Variants in HIVEP3 observed in about 807,000 individuals in gnomAD.
HIVEP3 encodes the protein HIVEP zinc finger 3, also known as transcription factor HIVEP3.
HIVEP3 carries 49 observed loss-of-function variants against 152.8 expected under a neutral mutation model. The observed-to-expected ratio is 0.32, with a 90% CI of 0.26 to 0.41. HIVEP3 has a LOEUF of 0.41. Among genes scored for constraint, HIVEP3 ranks in the 10% least tolerant of loss-of-function variants. HIVEP3 has a pLI of 1.00. For missense variants in HIVEP3, 2,790 were observed against 3,103.3 expected, an observed-to-expected ratio of 0.90 and a Z score of 2.40; for synonymous variants, 1,269 against 1,289.0, an observed-to-expected ratio of 0.98 and a Z score of 0.33.
chr1:41,519,838 A>G (rs1449393406), intron 6 of HIVEP3, among the ~76,000 whole-genome samples: 1 of 152,212 alleles, frequency 6.6e-6, no homozygotes, highest in Non-Finnish European at 1.5e-5. Flanking sequence ...TGAGTAGATG[A>G]AAACAAATGG....
intron 1 of HIVEP3, among the ~76,000 whole-genome samples, chr1:41,970,353 A>G (rs775422737): frequency 2.0e-5 from 3 of 152,254 alleles, no homozygotes; most frequent in African/African-American, 7.2e-5. Context: ...AATACCATGC[A>G]GCCATAAAAA....
chr1:41,700,877 A>C, intron 2 of HIVEP3, 39 bp downstream of exon 2: 6 of 917,916 alleles, frequency 6.5e-6, no homozygotes, highest in Non-Finnish European at 7.8e-6. Flanking sequence ...GGCTGTGCTG[A>C]AACTGCCCTG....
At chr1:41,960,054 T>C (rs947531478) in intron 1 of HIVEP3, among the ~76,000 whole-genome samples, 1 of 152,034 alleles carries the variant, frequency 6.6e-6, no homozygotes, top group African/African-American at 2.4e-5. Flanking sequence ...TTTTAACTCA[T>C]AAACTGGCAA....
At chr1:41,636,907 C>T (rs988593888) in intron 2 of HIVEP3, among the ~76,000 whole-genome samples, 7 of 144,074 alleles carry the variant, frequency 4.9e-5, no homozygotes, top group South Asian at 2.2e-4. Context: ...TGCAGTGAGC[C>T]GAGATTGTGC....
chr1:41,988,565 C>T (rs1645337630), intron 1 of HIVEP3, among the ~76,000 whole-genome samples: 2 of 152,072 alleles, frequency 1.3e-5, no homozygotes. Flanking sequence ...TGAGAAATAA[C>T]AAGTGTTAGT....
At chr1:41,713,798 CT>C (rs1417762205) in intron 1 of HIVEP3, among the ~76,000 whole-genome samples, 2 of 152,194 alleles carry the variant, frequency 1.3e-5, no homozygotes, top group Non-Finnish European at 2.9e-5. Context: ...GTTTTAAGAC[CT>C]GCCATGCTGA....
At chr1:41,874,502 A>C (rs1326795549) in intron 1 of HIVEP3, among the ~76,000 whole-genome samples, 2 of 152,152 alleles carry the variant, frequency 1.3e-5, no homozygotes, top group Non-Finnish European at 2.9e-5. Flanking sequence ...AAGGTTCGAA[A>C]TGTGGACTTC....
chr1:41,740,409 A>T (rs1646979941), intron 1 of HIVEP3, among the ~76,000 whole-genome samples: 1 of 152,214 alleles, frequency 6.6e-6, no homozygotes, highest in Admixed American at 6.5e-5. Context: ...CACCATGCAA[A>T]CCTGGTGTGA....
At chr1:41,867,199 C>A (rs775536555) in intron 1 of HIVEP3, among the ~76,000 whole-genome samples, 1 of 152,080 alleles carries the variant, frequency 6.6e-6, no homozygotes, top group African/African-American at 2.4e-5. Context: ...GGCCAGCCTC[C>A]GAGACTCTCC....
intron 1 of HIVEP3, among the ~76,000 whole-genome samples, chr1:41,975,087 A>C (rs3845573): frequency 0.19 from 29,119 of 152,034 alleles, 2,898 homozygotes; most frequent in South Asian, 0.3. Context: ...GGATGCAAGA[A>C]TATAAAGACC....
chr1:41,757,858 G>C (rs1197005385), intron 1 of HIVEP3, among the ~76,000 whole-genome samples: 1 of 151,778 alleles, frequency 6.6e-6, no homozygotes, highest in Admixed American at 6.6e-5. Flanking sequence ...GGATTACAGG[G>C]ATGCGCCACC....
At chr1:41,680,844 G>A (rs1217848483) in intron 2 of HIVEP3, among the ~76,000 whole-genome samples, 1 of 152,068 alleles carries the variant, frequency 6.6e-6, no homozygotes, top group African/African-American at 2.4e-5. Flanking sequence ...AACGGTATAT[G>A]GCATATAAAT....
At chr1:41,723,990 T>TTC (rs1646715106) in intron 1 of HIVEP3, among the ~76,000 whole-genome samples, 1 of 152,188 alleles carries the variant, frequency 6.6e-6, no homozygotes, top group African/African-American at 2.4e-5. Context: ...CTTTCCCAAC[T>TTC]TCCTTCAAAT....
chr1:41,938,665 T>A lies in HIVEP3; in HGVS notation n.120-20141A>T, dbSNP rs763245382. Reference sequence around the variant, plus strand: ...AGGCATAAAAGCAAATGGTCAGAGATACAAATGATGAAGCCTGCAGTTCAA... The same window carrying A: ...AGGCATAAAAGCAAATGGTCAGAGAAACAAATGATGAAGCCTGCAGTTCAA... On this transcript the variant is annotated intron_variant and non_coding_transcript_variant, in intron 1 of 3. Coordinates refer to the HIVEP3 transcript ENST00000489103. 2.0e-5 allele frequency among the ~76,000 whole-genome samples: 3 copies of A among 152,202 alleles called. No individual in the cohort carries two copies. The East Asian group carries it at 5.8e-4, about 29-fold the overall frequency.
chr1:41,844,179 C>T (rs1323935442), intron 1 of HIVEP3, among the ~76,000 whole-genome samples: 26 of 152,136 alleles, frequency 1.7e-4, no homozygotes, highest in Admixed American at 1.7e-3. Flanking sequence ...CCACCAAGTC[C>T]ACCTCCACTG....
At chr1:41,725,098 G>T (rs1646733291) in intron 1 of HIVEP3, among the ~76,000 whole-genome samples, 1 of 152,226 alleles carries the variant, frequency 6.6e-6, no homozygotes. Context: ...TACAGCAAGT[G>T]AATGAGAAAG....
chr1:41,656,445 C>G (rs1285306420), intron 2 of HIVEP3, among the ~76,000 whole-genome samples: 1 of 152,186 alleles, frequency 6.6e-6, no homozygotes, highest in South Asian at 2.1e-4. Flanking sequence ...ACCCTGGCCC[C>G]AATTCCTTTG....
chr1:41,643,279 T>C lies in HIVEP3; in HGVS notation c.-720-14332A>G, dbSNP rs1019372669. 2.6e-5 allele frequency among the ~76,000 whole-genome samples: 4 copies of C among 152,222 alleles called. No individual in the cohort carries two copies. The East Asian group carries it at 5.8e-4, about 22-fold the overall frequency. Reference sequence around the variant, plus strand: ...AAGGTGCTGGAGTGTCTCTCTTCTCTAACGCTTCTAACCCTCATCCAGAGC... The same window carrying C: ...AAGGTGCTGGAGTGTCTCTCTTCTCCAACGCTTCTAACCCTCATCCAGAGC... On this transcript the variant is annotated intron_variant, in intron 2 of 8. Coordinates refer to ENST00000372583, the MANE Select transcript of HIVEP3 (RefSeq NM_024503.5).
At chr1:42,031,462 T>G (rs1645612599) in intron 1 of HIVEP3, among the ~76,000 whole-genome samples, 1 of 152,212 alleles carries the variant, frequency 6.6e-6, no homozygotes, top group Admixed American at 6.5e-5. Context: ...TTTTCCAACT[T>G]CAACACTGTT....
Sources: allele counts gnomAD v4.1 joint callset (sites outside exome capture counted in the v4.1 genomes callset), GRCh38; gene constraint gnomAD v4.1.1; transcripts MANE v1.5; gene names NCBI Gene and HGNC (gene_info 2026-07-23, HGNC 2026-07-21).